Variants in ZNF423 observed in about 807,000 individuals in gnomAD.
The protein encoded by ZNF423 is Ebf-associated zinc finger protein.
A neutral mutation model predicts 95.8 loss-of-function variants in ZNF423; 12 were observed. That is an observed-to-expected ratio of 0.13 (90% confidence interval 0.08 to 0.20). The LOEUF is 0.20. Ranked by LOEUF, ZNF423 falls within the 10% of genes least tolerant of loss-of-function variation. The pLI is 1.00. For synonymous variants in ZNF423, 749 were observed against 711.9 expected (o/e 1.05, Z -0.83); for missense variants, 1,316 against 1,737.1 (o/e 0.76, Z 4.31).
intron 3 of ZNF423, among the ~76,000 whole-genome samples, chr16:49,658,832 C>T (rs932800668): frequency 1.6e-4 from 24 of 152,270 alleles, no homozygotes; most frequent in African/African-American, 5.5e-4. Context: ...TTCCCAGCAT[C>T]GCTGACTCTT....
intron 5 of ZNF423, among the ~76,000 whole-genome samples, chr16:49,595,236 C>A (rs529704203): frequency 2.0e-5 from 3 of 152,236 alleles, no homozygotes; most frequent in Admixed American, 1.3e-4. Context: ...GGTTTCCCTG[C>A]CACTCCCAGC....
At chr16:49,732,957 A>G (rs66470159) in intron 2 of ZNF423, among the ~76,000 whole-genome samples, 13,953 of 152,250 alleles carry the variant, frequency 0.092, 707 homozygotes, top group Middle Eastern at 0.14. Context: ...CTTCTTACCA[A>G]TTAAGGGATG....
At chr16:49,744,132 G>A (rs561476706) in intron 2 of ZNF423, among the ~76,000 whole-genome samples, 1 of 152,186 alleles carries the variant, frequency 6.6e-6, no homozygotes, top group Non-Finnish European at 1.5e-5. Flanking sequence ...AGGTCTGCCG[G>A]CTTTCTGCCG....
chr16:49,739,229 T>C (rs1472510869), intron 2 of ZNF423, among the ~76,000 whole-genome samples: 1 of 152,194 alleles, frequency 6.6e-6, no homozygotes, highest in East Asian at 1.9e-4. Flanking sequence ...ATAGTACAGC[T>C]TGAGACAATG....
intron 5 of ZNF423, among the ~76,000 whole-genome samples, chr16:49,611,563 T>C (rs1971722565): frequency 6.6e-6 from 1 of 151,928 alleles, no homozygotes; most frequent in Admixed American, 6.6e-5. Context: ...AAATCATTAA[T>C]TAAGCTTCCA....
At chr16:49,689,825 A>G (rs1478565542) in intron 3 of ZNF423, among the ~76,000 whole-genome samples, 1 of 152,164 alleles carries the variant, frequency 6.6e-6, no homozygotes, top group Non-Finnish European at 1.5e-5. Flanking sequence ...CCCCGACCAA[A>G]AAACCAAGGC....
chr16:49,509,162 G>A lies in ZNF423; in HGVS notation c.3849+14462C>T, dbSNP rs1194231005. On this transcript the variant is annotated intron_variant, in intron 7 of 7. Coordinates refer to ENST00000563137, the MANE Select transcript of ZNF423 (RefSeq NM_001379286.1). Reference sequence around the variant, plus strand: ...AGTGGCTCGCTAAGTCGTCTAGCTGGTAAGAGGTGGTACATAGATTTTAGC... The same window carrying A: ...AGTGGCTCGCTAAGTCGTCTAGCTGATAAGAGGTGGTACATAGATTTTAGC... Among the ~76,000 whole-genome samples, 3 of 152,154 alleles carry A rather than the reference G, an allele frequency of 2.0e-5. No individual in the cohort carries two copies. The South Asian group carries it at 6.2e-4, about 31-fold the overall frequency.
chr16:49,671,511 G>A (rs570016355), intron 3 of ZNF423, among the ~76,000 whole-genome samples: 1 of 152,076 alleles, frequency 6.6e-6, no homozygotes, highest in African/African-American at 2.4e-5. Flanking sequence ...CCAAGCAAAC[G>A]AGCCCTCCCA....
chr16:49,569,076 C>T (rs188240736), intron 5 of ZNF423, among the ~76,000 whole-genome samples: 4 of 152,316 alleles, frequency 2.6e-5, no homozygotes, highest in African/African-American at 7.2e-5. Flanking sequence ...GCACCTACTG[C>T]GCATGCCACT....
At chr16:49,755,315 C>T (rs2033705934) in intron 2 of ZNF423, among the ~76,000 whole-genome samples, 1 of 152,306 alleles carries the variant, frequency 6.6e-6, no homozygotes, top group East Asian at 1.9e-4. Flanking sequence ...AGAACCCTCC[C>T]GCCTCCTCGC....
intron 2 of ZNF423, among the ~76,000 whole-genome samples, chr16:49,736,986 G>A (rs1047363948): frequency 2.0e-5 from 3 of 152,120 alleles, no homozygotes; most frequent in African/African-American, 7.2e-5. Context: ...GGCCTTGCCA[G>A]GGACAGAGGG....
intron 3 of ZNF423, among the ~76,000 whole-genome samples, chr16:49,642,494 C>A (rs1267488425): frequency 6.6e-6 from 1 of 152,212 alleles, no homozygotes; most frequent in Non-Finnish European, 1.5e-5. Flanking sequence ...CTGGGAGCAA[C>A]AAGCTGAGCC....
intron 5 of ZNF423, among the ~76,000 whole-genome samples, chr16:49,586,176 C>T (rs911440116): frequency 1.3e-4 from 20 of 152,216 alleles, no homozygotes; most frequent in African/African-American, 3.4e-4. Context: ...TAAGAATTTC[C>T]GAGGTGAGGC....
In ZNF423 at chr16:49,531,893, G is replaced by T. The variant is rs144934509; in HGVS notation, c.3602-6399C>A. On this transcript the variant is annotated intron_variant, in intron 5 of 7. Coordinates refer to ENST00000563137, the MANE Select transcript of ZNF423 (RefSeq NM_001379286.1). ...CAGCACCTGGGAGCTTGAGAGAAAT[G>T]CAGAGTCTCAGGCCTGCCCCAGAGC... is the stretch of plus-strand genomic sequence containing the variant. Among the ~76,000 whole-genome samples, 754 of 152,270 alleles carry T rather than the reference G, an allele frequency of 5.0e-3. 11 individuals are homozygous for T. The highest frequency in any genetic ancestry group is 0.017 in the African/African-American group (695 of 41,566).
Position 49,834,534 on chromosome 16 carries a change from G to T in ZNF423, c.40+21201C>A, listed in dbSNP as rs534560454. 2.6e-5 allele frequency among the ~76,000 whole-genome samples: 4 copies of T among 152,248 alleles called. No individual in the cohort carries two copies. In the East Asian group the frequency reaches 7.8e-4, roughly 30 times the overall value. ...GGAGGCCAGGGCTGGGCCCTGCCCT[G>T]CGTCCCCTCTGGGAAGCACGCTCGC... On this transcript the variant is annotated intron_variant, in intron 1 of 7. Coordinates refer to ENST00000563137, the MANE Select transcript of ZNF423 (RefSeq NM_001379286.1).
chr16:49,772,413 T>G (rs1237266406), intron 2 of ZNF423, among the ~76,000 whole-genome samples: 3 of 152,222 alleles, frequency 2.0e-5, no homozygotes, highest in Non-Finnish European at 4.4e-5. Context: ...GAAATCATGT[T>G]TCACCAGCTG....
At chr16:49,558,282 T>C (rs914053177) in intron 5 of ZNF423, among the ~76,000 whole-genome samples, 5 of 152,192 alleles carry the variant, frequency 3.3e-5, no homozygotes, top group Admixed American at 3.3e-4. Flanking sequence ...GTGACTTAAA[T>C]GAGTTAAATA....
intron 1 of ZNF423, among the ~76,000 whole-genome samples, chr16:49,828,085 C>A (rs2035025170): frequency 6.6e-6 from 1 of 152,214 alleles, no homozygotes; most frequent in Admixed American, 6.5e-5. Context: ...GGCCTCCTGC[C>A]CAAAGAGCAC....
chr16:49,805,173 C>T (rs1397917157), intron 1 of ZNF423, among the ~76,000 whole-genome samples: 5 of 152,050 alleles, frequency 3.3e-5, no homozygotes, highest in African/African-American at 1.2e-4. Flanking sequence ...GATCCCACAG[C>T]ATTATATGTT....
Sources: allele counts gnomAD v4.1 joint callset (sites outside exome capture counted in the v4.1 genomes callset), GRCh38; gene constraint gnomAD v4.1.1; transcripts MANE v1.5; gene names NCBI Gene and HGNC (gene_info 2026-07-23, HGNC 2026-07-21).